The following WDR27 variants were observed in gnomAD, a reference collection of about 807,000 sequenced individuals.
WDR27 encodes WD repeat-containing protein 27.
WDR27 carries 100 observed loss-of-function variants against 114.4 expected under a neutral mutation model. The ratio of observed to expected loss-of-function variants is 0.87; its 90% CI spans 0.74 to 1.03. The LOEUF (loss-of-function observed/expected upper bound fraction) is 1.03, where lower values mean the gene tolerates loss of function less well. Among genes scored for constraint, WDR27 ranks in the 50% least tolerant of loss-of-function variants. The pLI, the probability that WDR27 is intolerant of heterozygous loss-of-function variation, is 0.00. For missense variants in WDR27, 1,129 were observed against 1,092.9 expected (o/e 1.03, Z -0.47); for synonymous variants, 449 against 423.1 (o/e 1.06, Z -0.75).
intron 1 of WDR27, among the ~76,000 whole-genome samples, chr6:169,695,093 G>A (rs947289525): frequency 1.3e-5 from 2 of 152,186 alleles, no homozygotes; most frequent in African/African-American, 4.8e-5. Context: ...GTAATGCTTA[G>A]AAGTATAAAA....
rs188790720 is a variant in WDR27 at position 169,608,408 on chromosome 6, G to A, written c.2321+5151C>T. 2.0e-4 allele frequency among the ~76,000 whole-genome samples: 31 copies of A among 152,252 alleles called. No homozygotes were observed. In the East Asian group the frequency reaches 5.8e-3, roughly 28 times the overall value. ...TAGACTGGGCAATTTACAAAAGAAA[G>A]AGGTTTAATTAAACTTACAGTTGCA... On this transcript the variant is annotated intron_variant, in intron 22 of 25. Coordinates refer to ENST00000448612, the MANE Select transcript of WDR27 (RefSeq NM_182552.5).
chr6:169,652,959 A>G (rs1228765414), intron 13 of WDR27, among the ~76,000 whole-genome samples: 1 of 149,088 alleles, frequency 6.7e-6, no homozygotes, highest in Non-Finnish European at 1.5e-5. Flanking sequence ...TGTAAGAAGA[A>G]AAGCTAAAGA....
chr6:169,660,814 A>G, intron 9 of WDR27, 48 bp from the exon 10 acceptor site: 1 of 1,550,032 alleles, frequency 6.5e-7, no homozygotes, highest in Non-Finnish European at 8.8e-7. Context: ...CTTATTCCTG[A>G]AGGTTGGGCC....
the WDR27 span, among the ~76,000 whole-genome samples, chr6:169,437,871 A>T: frequency 6.6e-6 from 1 of 152,130 alleles, no homozygotes. Context: ...CTCTGGTAAC[A>T]TGAGACTGTA....
intron 22 of WDR27, among the ~76,000 whole-genome samples, chr6:169,605,852 G>A (rs986491973): frequency 1.1e-4 from 17 of 152,060 alleles, no homozygotes; most frequent in African/African-American, 3.9e-4. Flanking sequence ...AATCAACAAT[G>A]GGGAAAGGAC....
intron 25 of WDR27, among the ~76,000 whole-genome samples, chr6:169,496,910 T>C (rs79517485): frequency 0.018 from 2,741 of 152,224 alleles, 86 homozygotes; most frequent in African/African-American, 0.062. Context: ...CTGATCCCAA[T>C]GATGTTTTCT....
chr6:169,692,186 G>A lies in WDR27; in HGVS notation c.-7-3174C>T, dbSNP rs572345586. Among the ~76,000 whole-genome samples, 5 of 152,370 alleles carry A rather than the reference G, an allele frequency of 3.3e-5. No homozygotes were observed. The East Asian group carries it at 7.7e-4, about 23-fold the overall frequency. On this transcript the variant is annotated intron_variant, in intron 1 of 25. Transcript: ENST00000448612. ...GCGAAATATAAAAGTAGAAGCAGCA[G>A]TGAGAAGAGCCTTGTAGGCACTCCT...
intron 5 of WDR27, among the ~76,000 whole-genome samples, chr6:169,667,584 G>C (rs1585040320): frequency 6.6e-6 from 1 of 152,340 alleles, no homozygotes; most frequent in Admixed American, 6.5e-5. Context: ...ACTGATGTCA[G>C]CTGGATAAAA....
At chr6:169,482,437 T>C (rs1788300274) in intron 25 of WDR27, among the ~76,000 whole-genome samples, 1 of 152,244 alleles carries the variant, frequency 6.6e-6, no homozygotes, top group Admixed American at 6.5e-5. Flanking sequence ...CTGTATTTTT[T>C]GACTTTTAAT....
chr6:169,641,717 T>C lies in WDR27; in HGVS notation c.1747+1980A>G, dbSNP rs142582082. On this transcript the variant is annotated intron_variant, in intron 17 of 25. Transcript: ENST00000448612. ...ACCAGGAGAGATGCGCATCTTCACT[T>C]CATACTTGGACAAAGATTTCTCGTT... Among the ~76,000 whole-genome samples the C allele has an allele frequency of 1.8e-3, 279 of 152,332 alleles. 1 individual carries two copies. Among genetic ancestry groups the C allele is most frequent in the African/African-American group, 6.5e-3 (270 of 41,582 alleles).
rs576193377 is a variant in WDR27, at chr6:169,476,911, CTT to C, written c.2646-19279_2646-19278del. ...AGTTTTATCTCTACCAGTCATCACT[CTT>C]GTTTGTCTTTGTTATACTGGATAGG... On this transcript the variant is annotated intron_variant, in intron 25 of 25. Coordinates refer to ENST00000448612, the MANE Select transcript of WDR27 (RefSeq NM_182552.5). 4.7e-3 allele frequency among the ~76,000 whole-genome samples: 723 copies of C among 152,278 alleles called. 2 individuals carry two copies. The highest frequency in any genetic ancestry group is 0.018 in the South Asian group (88 of 4,822).
chr6:169,426,971 A>AGGGG, the WDR27 span: 1 of 136,798 alleles, frequency 7.3e-6, no homozygotes, highest in Admixed American at 7.2e-5. Flanking sequence ...TGGTGGGGGC[A>AGGGG]GTGGGGGGGG....
chr6:169,672,234 A>AT, intron 3 of WDR27, 21 bp downstream of exon 3: 1 of 1,609,788 alleles, frequency 6.2e-7, no homozygotes, highest in Non-Finnish European at 8.5e-7. Context: ...TTTTAAAAAC[A>AT]TGTTTTAGAT....
chr6:169,634,739 A>AT (rs1482305463), intron 19 of WDR27, among the ~76,000 whole-genome samples: 2 of 152,162 alleles, frequency 1.3e-5, no homozygotes, highest in Non-Finnish European at 2.9e-5. Flanking sequence ...ATTTGTGGTG[A>AT]TTTTTGACAT....
rs1383622858 is a variant in WDR27, at chr6:169,664,387, G to C, written c.784-101C>G. The C allele has an allele frequency of 9.4e-6, 15 of 1,589,756 alleles. No individual in the cohort carries two copies. The East Asian group carries it at 1.6e-4, about 17-fold the overall frequency. On this transcript the variant is annotated intron_variant, in intron 7 of 25. Transcript: ENST00000448612. ...AGCAGGGAGGGCAGACACGTCACAG[G>C]ACGGGCCCTCCACGGCCTGCAGAGG...
chr6:169,561,202 T>C (rs997830925), intron 25 of WDR27, among the ~76,000 whole-genome samples: 2 of 152,012 alleles, frequency 1.3e-5, no homozygotes, highest in Admixed American at 6.6e-5. Flanking sequence ...CAGTGCCTTC[T>C]CACTGCCCCT....
chr6:169,606,625 C>A (rs1031059165), intron 22 of WDR27, among the ~76,000 whole-genome samples: 4 of 152,080 alleles, frequency 2.6e-5, no homozygotes, highest in Non-Finnish European at 4.4e-5. Flanking sequence ...CATCCATGTC[C>A]CTGCAAAAAA....
intron 25 of WDR27, among the ~76,000 whole-genome samples, chr6:169,532,654 A>G (rs1269628769): frequency 2.0e-5 from 3 of 152,184 alleles, no homozygotes; most frequent in African/African-American, 7.2e-5. Context: ...ATGAAATTTT[A>G]TTTAGTTTCA....
chr6:169,525,275 G>A lies in WDR27; in HGVS notation c.2645+47144C>T, dbSNP rs575220975. ...TTATCGGCCAGGCGTGGTGGTTTAC[G>A]CCTGTAATCCCAGCACTTTGGGAGG... On this transcript the variant is annotated intron_variant, in intron 25 of 25. Coordinates refer to ENST00000448612, the MANE Select transcript of WDR27 (RefSeq NM_182552.5). Among the ~76,000 whole-genome samples the A allele has an allele frequency of 4.6e-5, 7 of 152,140 alleles. No individual in the cohort carries two copies. In the East Asian group the frequency reaches 1.2e-3, roughly 25 times the overall value.
Sources: allele counts gnomAD v4.1 joint callset (sites outside exome capture counted in the v4.1 genomes callset), GRCh38; gene constraint gnomAD v4.1.1; transcripts MANE v1.5; gene names NCBI Gene and HGNC (gene_info 2026-07-23, HGNC 2026-07-21).